The following SMYD2 variants were observed in gnomAD, a reference collection of about 807,000 sequenced individuals.
SMYD2 encodes the protein SET and MYND domain containing 2.
In SMYD2, 53 loss-of-function variants were observed where a neutral mutation model predicts 59.1. The observed-to-expected ratio is 0.90, with a 90% CI of 0.72 to 1.13. SMYD2 has a LOEUF of 1.13. Among genes scored for constraint, SMYD2 ranks in the 50% most tolerant of loss-of-function variants. The pLI, the probability that SMYD2 is intolerant of heterozygous loss-of-function variation, is 0.00. For missense variants in SMYD2, 494 were observed against 544.7 expected, an observed-to-expected ratio of 0.91 and a Z score of 0.93; for synonymous variants, 208 against 198.8, an observed-to-expected ratio of 1.05 and a Z score of -0.39.
intron 1 of SMYD2, among the ~76,000 whole-genome samples, chr1:214,297,780 T>C (rs72755480): frequency 0.037 from 5,697 of 152,332 alleles, 149 homozygotes; most frequent in Middle Eastern, 0.058. Flanking sequence ...GCGATTCTTA[T>C]GTTATTCACT....
intron 11 of SMYD2, among the ~76,000 whole-genome samples, chr1:214,336,387 C>T (rs960222656): frequency 2.6e-5 from 4 of 152,314 alleles, no homozygotes; most frequent in Non-Finnish European, 5.9e-5. Flanking sequence ...AAAAAATTAG[C>T]CAGGCATGGT....
chr1:214,305,101 C>A, intron 1 of SMYD2, 86 bp from the exon 2 acceptor site: 1 of 1,290,694 alleles, frequency 7.7e-7, no homozygotes, highest in Non-Finnish European at 1.1e-6. Context: ...GCTTTCCAAC[C>A]AAGTGGCTTT....
At chr1:214,330,313 A>G in intron 8 of SMYD2, 35 bp downstream of exon 8, 6 of 1,397,468 alleles carry the variant, frequency 4.3e-6, no homozygotes, top group East Asian at 2.3e-5. Context: ...CGCTGACTGC[A>G]CTCTGATCTC....
chr1:214,336,479 C>T (rs866431259), intron 11 of SMYD2, among the ~76,000 whole-genome samples: 1 of 152,198 alleles, frequency 6.6e-6, no homozygotes, highest in Non-Finnish European at 1.5e-5. Context: ...TTGCAGTGAG[C>T]GGAGATCGCA....
chr1:214,281,367 C>G lies in SMYD2; in HGVS notation c.113C>G (p.Ala38Gly), dbSNP rs752350036. The change falls in exon 1 of 12, where the codon GCC (alanine) becomes GGC (glycine). Residue 38 changes from alanine (A) to glycine (G), a missense_variant. Physicochemically the swap from Ala to Gly is moderately conservative, Grantham distance 60. Coordinates refer to ENST00000366957, the MANE Select transcript of SMYD2 (RefSeq NM_020197.3). ...QVGDLLFSCP[A>G]YAYVLTVNER... ...GGGGACTTGCTGTTCTCCTGCCCGG[C>G]CTATGCCTACGTGCTCACGGTCAAC... 2.7e-6 allele frequency: 4 copies of G among 1,460,842 alleles called. No individual in the cohort carries two copies. The highest frequency in any genetic ancestry group is 2.9e-5 in the South Asian group (2 of 68,298). The allele number at this position is 1,460,842 out of a possible 1,614,324, so 90.5% of individuals were successfully genotyped here.
chr1:214,336,909 G>T lies in SMYD2; in HGVS notation c.*125G>T. 2.5e-6 allele frequency: 2 copies of T among 803,870 alleles called. No individual in the cohort carries two copies. The highest frequency in any genetic ancestry group is 2.9e-5 in the East Asian group (1 of 34,286). 49.8% of individuals were successfully genotyped at this position (803,870 alleles called of 1,614,324 possible). A position where few individuals can be genotyped will look rare whatever the true frequency, so the allele number is the denominator to read the frequency against. On this transcript the variant is annotated 3_prime_UTR_variant, in exon 12 of 12. Transcript: ENST00000366957. Reference sequence around the variant, plus strand: ...AATAATTGGAATGAAAATACTTCTTGCACTTAAACACTGCACATGCCGTAC... The same window carrying T: ...AATAATTGGAATGAAAATACTTCTTTCACTTAAACACTGCACATGCCGTAC...
At position 214,291,499 on chromosome 1, in the gene SMYD2, C is replaced by T. The variant is rs147017089; in HGVS notation, c.173+10072C>T. Among the ~76,000 whole-genome samples the T allele has an allele frequency of 4.6e-5, 7 of 152,354 alleles. No individual in the cohort carries two copies. The East Asian group carries it at 1.3e-3, about 29-fold the overall frequency. ...CCTCAGTCTATTACCATTATTAGCTCATACCCTTTTGTCCATTCTTCATTG... is the reference window on the plus strand; with the variant it reads ...CCTCAGTCTATTACCATTATTAGCTTATACCCTTTTGTCCATTCTTCATTG... On this transcript the variant is annotated intron_variant, in intron 1 of 11. Transcript: ENST00000366957.
intron 5 of SMYD2, among the ~76,000 whole-genome samples, chr1:214,321,429 T>A (rs1242694768): frequency 6.6e-6 from 1 of 152,176 alleles, no homozygotes; most frequent in Non-Finnish European, 1.5e-5. Flanking sequence ...CATATGTAAA[T>A]TTGAAAGGGG....
intron 6 of SMYD2, among the ~76,000 whole-genome samples, chr1:214,326,162 C>CGGGAGGTGGAGGTTGCA (rs1657257929): frequency 6.7e-6 from 1 of 149,900 alleles, no homozygotes; most frequent in Non-Finnish European, 1.5e-5. Context: ...CACTTGAACC[C>CGGGAGGTGGAGGTTGCA]GGGAGGTGGA....
chr1:214,285,372 G>C (rs1656519727), intron 1 of SMYD2, among the ~76,000 whole-genome samples: 1 of 152,190 alleles, frequency 6.6e-6, no homozygotes, highest in South Asian at 2.1e-4. Context: ...CTGAAGCTGT[G>C]CATGAGAAGG....
intron 2 of SMYD2, 92 bp from the exon 3 acceptor site, chr1:214,314,670 C>T (rs1175647479): frequency 1.1e-6 from 1 of 883,626 alleles, no homozygotes; most frequent in African/African-American, 1.7e-5. Flanking sequence ...TTTACTTGAC[C>T]TTAACTAGGG....
intron 1 of SMYD2, among the ~76,000 whole-genome samples, chr1:214,297,402 C>G (rs1571921885): frequency 6.6e-6 from 1 of 152,028 alleles, no homozygotes; most frequent in South Asian, 2.1e-4. Flanking sequence ...GATTACATTG[C>G]AAATGAAAAA....
At position 214,308,866 on chromosome 1, in the gene SMYD2, T is replaced by C. The variant is rs189587524; in HGVS notation, c.237+3616T>C. Among the ~76,000 whole-genome samples, 611 of 152,270 alleles carry C rather than the reference T, an allele frequency of 4.0e-3. 2 individuals carry two copies. The highest frequency in any genetic ancestry group is 7.1e-3 in the Non-Finnish European group (483 of 68,012). On this transcript the variant is annotated intron_variant, in intron 2 of 11. Coordinates refer to ENST00000366957, the MANE Select transcript of SMYD2 (RefSeq NM_020197.3). ...GAGGGCTTTCACCCCTTTACAGTAGTGTGCTTGGGAGAAGTGAGGGCCCTC... is the reference window on the plus strand; with the variant it reads ...GAGGGCTTTCACCCCTTTACAGTAGCGTGCTTGGGAGAAGTGAGGGCCCTC...
At chr1:214,299,993 G>C (rs1328844557) in intron 1 of SMYD2, among the ~76,000 whole-genome samples, 1 of 152,212 alleles carries the variant, frequency 6.6e-6, no homozygotes, top group Non-Finnish European at 1.5e-5. Flanking sequence ...CTAGGAAGGA[G>C]AGAGGGGAGG....
chr1:214,315,937 C>T (rs138052434), intron 3 of SMYD2, among the ~76,000 whole-genome samples: 150 of 152,248 alleles, frequency 9.9e-4, no homozygotes, highest in African/African-American at 2.9e-3. Context: ...CTTTAGCCAC[C>T]GTACTGACTG....
intron 2 of SMYD2, among the ~76,000 whole-genome samples, chr1:214,310,989 G>T (rs551646266): frequency 6.6e-6 from 1 of 152,070 alleles, no homozygotes; most frequent in East Asian, 1.9e-4. Context: ...CTTCAAAAAA[G>T]AAAGTGAAAC....
chr1:214,283,527 A>G (rs1053375512), intron 1 of SMYD2, among the ~76,000 whole-genome samples: 1 of 152,232 alleles, frequency 6.6e-6, no homozygotes, highest in Non-Finnish European at 1.5e-5. Flanking sequence ...AATTAGAAAT[A>G]TCCTTGTACC....
intron 1 of SMYD2, among the ~76,000 whole-genome samples, chr1:214,289,152 C>T (rs1345065489): frequency 6.6e-6 from 1 of 152,074 alleles, no homozygotes; most frequent in Non-Finnish European, 1.5e-5. Context: ...GGGCTCACTG[C>T]TATAGTTTGG....
chr1:214,328,737 G>A (rs1456292308), intron 7 of SMYD2, among the ~76,000 whole-genome samples: 2 of 152,224 alleles, frequency 1.3e-5, no homozygotes, highest in Non-Finnish European at 2.9e-5. Context: ...TGCACTGGGA[G>A]CTGAAGCCCA....
Sources: gnomAD v4.1 joint callset for allele counts (sites outside exome capture counted in the v4.1 genomes callset) on GRCh38, gnomAD v4.1.1 for gene constraint, MANE v1.5 for transcripts, NCBI Gene and HGNC (gene_info 2026-07-23, HGNC 2026-07-21) for gene names.